MBTD1: variants seen among roughly 807,000 people sequenced by gnomAD.
The protein encoded by MBTD1 is mbt domain containing 1, also known as MBT domain-containing protein 1.
MBTD1 carries 24 observed loss-of-function variants against 87.8 expected under a neutral mutation model. That is an observed-to-expected ratio of 0.27 (90% confidence interval 0.20 to 0.38). The LOEUF is 0.38. Ranked by LOEUF, MBTD1 falls within the 10% of genes least tolerant of loss-of-function variation. The pLI is 1.00. For synonymous variants in MBTD1, 237 were observed against 248.6 expected, an observed-to-expected ratio of 0.95 and a Z score of 0.44; for missense variants, 436 against 760.2, an observed-to-expected ratio of 0.57 and a Z score of 5.02.
At chr17:51,260,866 G>A, upstream of MBTD1, 3 of 1,601,894 alleles carry the variant, frequency 1.9e-6, no homozygotes, top group Non-Finnish European at 2.6e-6. Flanking sequence ...TGGAGGAGCT[G>A]GTCTTCGGCG....
chr17:51,228,156 T>C (rs2053337112), intron 2 of MBTD1, among the ~76,000 whole-genome samples: 1 of 151,734 alleles, frequency 6.6e-6, no homozygotes, highest in Non-Finnish European at 1.5e-5. Context: ...CACTTATAAG[T>C]GGGAGCTAAA....
At chr17:51,221,802 T>C (rs991415327) in intron 3 of MBTD1, among the ~76,000 whole-genome samples, 5 of 152,242 alleles carry the variant, frequency 3.3e-5, no homozygotes, top group Non-Finnish European at 7.3e-5. Flanking sequence ...GTAAGTTATA[T>C]GTAAATACCA....
intron 2 of MBTD1, among the ~76,000 whole-genome samples, chr17:51,254,778 A>C (rs1029153488): frequency 2.0e-5 from 3 of 152,258 alleles, no homozygotes; most frequent in Non-Finnish European, 4.4e-5. Context: ...TCTTCCGAAG[A>C]AAGCTATGAA....
intron 2 of MBTD1, among the ~76,000 whole-genome samples, chr17:51,225,989 G>A (rs550335890): frequency 6.6e-6 from 1 of 150,948 alleles, no homozygotes; most frequent in Non-Finnish European, 1.5e-5. Flanking sequence ...ATGTTGGCCA[G>A]GCTGTTCTCA....
Position 51,217,415 on chromosome 17 carries a change from T to A in MBTD1, c.405A>T (p.Ala135=). 6.8e-7 allele frequency: 1 copy of A among 1,478,100 alleles called. No individual in the cohort carries two copies. The allele number at this position is 1,478,100 out of a possible 1,614,324, so 91.6% of individuals were successfully genotyped here. A position where few individuals can be genotyped will look rare whatever the true frequency, so the allele number is the denominator to read the frequency against. Residue 135 remains alanine, a splice_region_variant and synonymous_variant, in exon 6 of 17, where the codon GCA becomes GCT. Transcript: ENST00000586178. ...CCCAGCTGAAACCTTCCATGGAGAC[T>A]GCTAAAATGAAACAAATTTAGATGT... is the stretch of plus-strand genomic sequence containing the variant. ...TLQNQAKTKA[A]VSMEGFSWGN...
chr17:51,179,626 C>G lies in MBTD1; in HGVS notation c.*950G>C, dbSNP rs1017764660. 6.8e-6 allele frequency: 1 copy of G among 148,082 alleles called. No homozygotes were observed. Among genetic ancestry groups the G allele is most frequent in the Non-Finnish European group, 1.5e-5 (1 of 67,090 alleles). 9.2% of individuals were successfully genotyped at this position (148,082 alleles called of 1,614,324 possible). A position where few individuals can be genotyped will look rare whatever the true frequency, so the allele number is the denominator to read the frequency against. On this transcript the variant is annotated 3_prime_UTR_variant, in exon 17 of 17. Coordinates refer to ENST00000586178, the MANE Select transcript of MBTD1 (RefSeq NM_017643.3). ...AGCAGAGCTGGAATGATTTTGAAAT[C>G]TAAACTTATTTTGGCTTTGAATAAC... is the stretch of plus-strand genomic sequence containing the variant.
chr17:51,252,822 T>C (rs2054869779), intron 2 of MBTD1, among the ~76,000 whole-genome samples: 1 of 152,034 alleles, frequency 6.6e-6, no homozygotes, highest in Non-Finnish European at 1.5e-5. Context: ...GATGGAATGA[T>C]TGTAGGTAGG....
At chr17:51,195,086 GTA>G (rs1031554929) in intron 13 of MBTD1, 126 bp downstream of exon 13, 6 of 675,148 alleles carry the variant, frequency 8.9e-6, no homozygotes, top group South Asian at 5.2e-5. Flanking sequence ...GCTCCTGTAT[GTA>G]TATGTTTATC....
chr17:51,256,930 T>C (rs1167178934), intron 2 of MBTD1: 3 of 152,212 alleles, frequency 2.0e-5, no homozygotes, highest in Admixed American at 6.5e-5. Flanking sequence ...ACCCCTCTTA[T>C]TGTATCACTT....
chr17:51,199,513 C>G (rs1043469874), intron 12 of MBTD1, among the ~76,000 whole-genome samples: 1 of 152,008 alleles, frequency 6.6e-6, no homozygotes, highest in Non-Finnish European at 1.5e-5. Context: ...GCGATCTCAG[C>G]TCACTGCAAC....
Position 51,198,866 on chromosome 17 carries a change from G to A in MBTD1, c.1224+2726C>T, listed in dbSNP as rs192233858. On this transcript the variant is annotated intron_variant, in intron 12 of 16. Coordinates refer to ENST00000586178, the MANE Select transcript of MBTD1 (RefSeq NM_017643.3). The stretch of plus-strand genomic sequence containing the variant: ...TGCCTAGGCCGAAGTGCAGTGGCTC[G>A]ATCTCAGCTCACTGCAACCTCCACC... 3.3e-4 allele frequency among the ~76,000 whole-genome samples: 51 copies of A among 152,256 alleles called. No individual in the cohort carries two copies. The East Asian group carries it at 8.1e-3, about 24-fold the overall frequency.
At chr17:51,197,566 G>A (rs1484644212) in intron 12 of MBTD1, among the ~76,000 whole-genome samples, 1 of 150,016 alleles carries the variant, frequency 6.7e-6, no homozygotes, top group Non-Finnish European at 1.5e-5. Flanking sequence ...GGGGTGCAGT[G>A]GTACAATCAT....
intron 16 of MBTD1, among the ~76,000 whole-genome samples, chr17:51,189,613 A>G (rs77414972): frequency 0.018 from 2,776 of 152,342 alleles, 104 homozygotes; most frequent in African/African-American, 0.063. Flanking sequence ...TTGTCTACAT[A>G]AAACTCACAG....
chr17:51,226,322 C>T (rs2143732965), intron 2 of MBTD1, among the ~76,000 whole-genome samples: 1 of 151,588 alleles, frequency 6.6e-6, no homozygotes, highest in East Asian at 2.0e-4. Flanking sequence ...TTGAGACCAG[C>T]CTGGGCAACA....
rs1045963859 is a variant in MBTD1 at position 51,203,781 on chromosome 17, A to C, written c.739+10T>G. ...AAAAAAATTACGGTAAGGGTAAATA[A>C]ACTACTTACTTCTAGGAGGAACAAG... is the stretch of plus-strand genomic sequence containing the variant. On this transcript the variant is annotated intron_variant, in intron 8 of 16. Transcript: ENST00000586178. The C allele has an allele frequency of 6.2e-7, 1 of 1,603,784 alleles. No homozygotes were observed. Among genetic ancestry groups the C allele is most frequent in the Non-Finnish European group, 8.5e-7 (1 of 1,177,478 alleles).
intron 16 of MBTD1, chr17:51,184,470 C>A (rs2050447965): frequency 6.6e-6 from 1 of 152,222 alleles, no homozygotes; most frequent in African/African-American, 2.4e-5. Context: ...GTTAAGGTAG[C>A]AATGTAGTCC....
intron 2 of MBTD1, among the ~76,000 whole-genome samples, chr17:51,234,727 CTT>C (rs753172735): frequency 6.6e-6 from 1 of 152,190 alleles, no homozygotes; most frequent in African/African-American, 2.4e-5. Context: ...AAGTTTCGCT[CTT>C]GTCGCCCAGG....
At chr17:51,186,647 G>A (rs1194142245) in intron 16 of MBTD1, among the ~76,000 whole-genome samples, 1 of 152,042 alleles carries the variant, frequency 6.6e-6, no homozygotes, top group Non-Finnish European at 1.5e-5. Context: ...GGTGGCAGGC[G>A]CCTGTGGTCC....
At chr17:51,185,453 C>G (rs1484414359) in intron 16 of MBTD1, 1 of 152,220 alleles carries the variant, frequency 6.6e-6, no homozygotes, top group Non-Finnish European at 1.5e-5. Context: ...ACACTCGAAT[C>G]AAATGCCACT....
Sources: gnomAD v4.1 joint callset for allele counts (sites outside exome capture counted in the v4.1 genomes callset) on GRCh38, gnomAD v4.1.1 for gene constraint, MANE v1.5 for transcripts, NCBI Gene and HGNC (gene_info 2026-07-23, HGNC 2026-07-21) for gene names.